Variants in RPGRIP1L observed in about 807,000 individuals in gnomAD.
RPGRIP1L encodes RPGRIP1 like.
RPGRIP1L carries 131 observed loss-of-function variants against 160.4 expected under a neutral mutation model. That is an observed-to-expected ratio of 0.82 (90% CI 0.71 to 0.94). RPGRIP1L has a LOEUF of 0.94. Among genes scored for constraint, RPGRIP1L ranks in the 40% least tolerant of loss-of-function variants. RPGRIP1L has a pLI of 0.00. For synonymous variants in RPGRIP1L, 510 were observed against 515.8 expected (o/e 0.99, Z 0.15); for missense variants, 1,522 against 1,535.8 (o/e 0.99, Z 0.15).
chr16:53,617,596 T>C (rs1964461441), intron 24 of RPGRIP1L, among the ~76,000 whole-genome samples: 1 of 152,174 alleles, frequency 6.6e-6, no homozygotes, highest in Non-Finnish European at 1.5e-5. Flanking sequence ...ATTGTAGAAT[T>C]TAAGCTGAAG....
At chr16:53,671,618 A>G (rs1280440611) in intron 8 of RPGRIP1L, 35 bp from the exon 9 acceptor site, 1 of 1,156,586 alleles carries the variant, frequency 8.6e-7, no homozygotes, top group East Asian at 2.6e-5. Context: ...TTAAGTAAAT[A>G]TTATATAAAA....
chr16:53,684,894 G>A (rs981363246), intron 6 of RPGRIP1L, among the ~76,000 whole-genome samples: 1 of 151,972 alleles, frequency 6.6e-6, no homozygotes, highest in Non-Finnish European at 1.5e-5. Flanking sequence ...TTTCTGCACA[G>A]CAAAAGAAAC....
intron 22 of RPGRIP1L, among the ~76,000 whole-genome samples, chr16:53,625,953 T>G (rs1426467894): frequency 1.3e-5 from 2 of 151,634 alleles, no homozygotes; most frequent in Non-Finnish European, 2.9e-5. Context: ...GCATGCTCGT[T>G]AAGAGTCATC....
chr16:53,660,609 C>T (rs1967700653), intron 10 of RPGRIP1L, among the ~76,000 whole-genome samples: 1 of 151,392 alleles, frequency 6.6e-6, no homozygotes, highest in African/African-American at 2.4e-5. Context: ...AGACATTTTA[C>T]ATCAAGGCTG....
chr16:53,641,183 C>CTAT (rs1966192990), intron 18 of RPGRIP1L, 67 bp from the exon 19 acceptor site: 28 of 1,521,058 alleles, frequency 1.8e-5, no homozygotes, highest in African/African-American at 2.8e-5. Flanking sequence ...AAGACTTTAG[C>CTAT]TATTATTATT....
At position 53,619,191 on chromosome 16, in the gene RPGRIP1L, C is replaced by A. The variant is rs762140481; in HGVS notation, c.3450G>T (p.Arg1150=). The change falls in exon 24 of 27, where the codon CGG becomes CGT. Residue 1150 remains arginine (R), a synonymous_variant. Coordinates refer to ENST00000647211, the MANE Select transcript of RPGRIP1L (RefSeq NM_015272.5). ...CHHTQPSEKI[R]IEIIALSLND... Reference sequence around the variant, plus strand: ...TAAGGCTTAGAGCTATGATCTCAATCCGAATTTTTTCTGATGGCTGTTTAA... The same window carrying A: ...TAAGGCTTAGAGCTATGATCTCAATACGAATTTTTTCTGATGGCTGTTTAA... The A allele has an allele frequency of 2.8e-5, 45 of 1,613,184 alleles. No homozygotes were observed. Among genetic ancestry groups the A allele is most frequent in the African/African-American group, 4.0e-5 (3 of 74,856 alleles).
chr16:53,651,907 A>G (rs1051606698), intron 15 of RPGRIP1L, among the ~76,000 whole-genome samples: 4 of 151,834 alleles, frequency 2.6e-5, no homozygotes, highest in Admixed American at 2.6e-4. Context: ...TAACTATTAA[A>G]CCATAAATAA....
intron 25 of RPGRIP1L, among the ~76,000 whole-genome samples, chr16:53,606,049 C>A (rs1209057914): frequency 2.0e-5 from 3 of 152,178 alleles, no homozygotes; most frequent in Non-Finnish European, 4.4e-5. Context: ...GGAGTTGCTA[C>A]TAAGGAATTT....
intron 15 of RPGRIP1L, among the ~76,000 whole-genome samples, chr16:53,650,979 T>C (rs1008984141): frequency 2.1e-4 from 32 of 152,220 alleles, no homozygotes; most frequent in African/African-American, 7.7e-4. Flanking sequence ...GCTTAAAATA[T>C]ATTCTATATG....
intron 25 of RPGRIP1L, 102 bp downstream of exon 25, chr16:53,610,865 G>A: frequency 4.3e-6 from 4 of 934,084 alleles, no homozygotes; most frequent in Admixed American, 1.8e-5. Context: ...AGAGAACCCC[G>A]ATGTTCGGCT....
chr16:53,679,443 C>G (rs528270958), intron 6 of RPGRIP1L, among the ~76,000 whole-genome samples: 1 of 151,780 alleles, frequency 6.6e-6, no homozygotes, highest in South Asian at 2.1e-4. Flanking sequence ...ACTCTGTCAC[C>G]GACGATGGAG....
intron 25 of RPGRIP1L, chr16:53,608,092 T>G (rs180719909): frequency 6.7e-6 from 2 of 299,598 alleles, no homozygotes; most frequent in Admixed American, 6.5e-5. Flanking sequence ...CACCTCTTTC[T>G]CCTGCCACTC....
Position 53,645,737 on chromosome 16 carries a change from C to G in RPGRIP1L, c.2571G>C (p.Lys857Asn), listed in dbSNP as rs149833407. ...AAACATAAAAACTCAGAGACTCTGA[C>G]TTAAGGTATCGATCCAAGTCCATAT... ...PMNMDLDRYL[K>N]SESLSFYVFD... The change falls in exon 17 of 27, where the codon AAG becomes AAC. Residue 857 changes from lysine to asparagine, a missense_variant. Transcript: ENST00000647211. 2 of 1,613,948 alleles carry G rather than the reference C, an allele frequency of 1.2e-6. No homozygotes were observed. The highest frequency in any genetic ancestry group is 2.7e-5 in the African/African-American group (2 of 74,896).
intron 9 of RPGRIP1L, among the ~76,000 whole-genome samples, chr16:53,669,539 A>G (rs1243923818): frequency 6.6e-6 from 1 of 152,054 alleles, no homozygotes; most frequent in Non-Finnish European, 1.5e-5. Flanking sequence ...GGGAAAGTAA[A>G]TATGAGAAAA....
chr16:53,699,957 G>GA (rs1211710261), intron 2 of RPGRIP1L, among the ~76,000 whole-genome samples: 1 of 152,152 alleles, frequency 6.6e-6, no homozygotes, highest in Non-Finnish European at 1.5e-5. Context: ...TTCCTAAATG[G>GA]AATGTATCTT....
At chr16:53,625,553 G>A (rs557409383) in intron 22 of RPGRIP1L, among the ~76,000 whole-genome samples, 2,098 of 147,518 alleles carry the variant, frequency 0.014, 32 homozygotes, top group Non-Finnish European at 0.025. Flanking sequence ...CAGCCACCCC[G>A]TCTTGGGGGT....
At chr16:53,622,572 T>C (rs1016024959) in intron 22 of RPGRIP1L, among the ~76,000 whole-genome samples, 4 of 151,910 alleles carry the variant, frequency 2.6e-5, no homozygotes, top group Non-Finnish European at 5.9e-5. Flanking sequence ...TTCCATTTTT[T>C]TCACACCCAC....
At chr16:53,690,359 G>C (rs1970300449) in intron 4 of RPGRIP1L, among the ~76,000 whole-genome samples, 1 of 152,118 alleles carries the variant, frequency 6.6e-6, no homozygotes, top group South Asian at 2.1e-4. Flanking sequence ...ACCAAGCCCA[G>C]CTAATTTTTT....
At chr16:53,683,068 A>T (rs1193650483) in intron 6 of RPGRIP1L, among the ~76,000 whole-genome samples, 3 of 152,104 alleles carry the variant, frequency 2.0e-5, no homozygotes, top group African/African-American at 7.2e-5. Flanking sequence ...AAAGCTTCTT[A>T]TATATTTTTA....
Sources: gnomAD v4.1 joint callset for allele counts (sites outside exome capture counted in the v4.1 genomes callset) on GRCh38, gnomAD v4.1.1 for gene constraint, MANE v1.5 for transcripts, NCBI Gene and HGNC (gene_info 2026-07-23, HGNC 2026-07-21) for gene names.